MYO15A: variants seen among roughly 807,000 people sequenced by gnomAD.
MYO15A encodes myosin XVA, also known as unconventional myosin-XV.
In MYO15A, 308 loss-of-function variants were observed where a neutral mutation model predicts 394.6. That is an observed-to-expected ratio of 0.78 (90% CI 0.71 to 0.86). The LOEUF is 0.86. Among genes scored for constraint, MYO15A ranks in the 40% least tolerant of loss-of-function variants. The pLI, the probability that MYO15A is intolerant of heterozygous loss-of-function variation, is 0.00. For synonymous variants in MYO15A, 1,957 were observed against 2,003.8 expected (o/e 0.98, Z 0.62); for missense variants, 4,606 against 4,799.1 (o/e 0.96, Z 1.19).
rs971060254 is a variant in MYO15A at position 18,147,969 on chromosome 17, C to T, written c.6510-60C>T. 6.2e-7 allele frequency: 1 copy of T among 1,605,238 alleles called. No homozygotes were observed. Among genetic ancestry groups the T allele is most frequent in the Non-Finnish European group, 8.5e-7 (1 of 1,172,682 alleles). On this transcript the variant is annotated intron_variant, in intron 30 of 65. Coordinates refer to ENST00000647165, the MANE Select transcript of MYO15A (RefSeq NM_016239.4). The surrounding 1 kb of genome is among the most constrained non-coding windows in gnomAD (Gnocchi z 4.4). ...GAATTTCCTACCCCCACCCCGCAGCCCTCAGCCCCAAGCTAGCTTCAGATC... is the reference window on the plus strand; with the variant it reads ...GAATTTCCTACCCCCACCCCGCAGCTCTCAGCCCCAAGCTAGCTTCAGATC...
chr17:18,114,241 C>CTTTTT (rs10583154), intron 1 of MYO15A, among the ~76,000 whole-genome samples: 2,292 of 55,590 alleles, frequency 0.041, 684 homozygotes, highest in Non-Finnish European at 0.06. Context: ...ACAGTCCTGT[C>CTTTTT]TTTTTTTTTT....
rs561410258 is a variant in MYO15A, at chr17:18,163,137, G to A, written c.9613-107G>A. ...TCCAGGTGCTCAAGTGTTCCTACAC[G>A]TGCCAGCCCAGGATCCTTTGGCTTG... On this transcript the variant is annotated intron_variant, in intron 58 of 65. Coordinates refer to ENST00000647165, the MANE Select transcript of MYO15A (RefSeq NM_016239.4). 278 of 1,217,218 alleles carry A rather than the reference G, an allele frequency of 2.3e-4. 1 individual carries two copies. Among genetic ancestry groups the A allele is most frequent in the South Asian group, 1.7e-3 (143 of 82,864 alleles). The allele number at this position is 1,217,218 out of a possible 1,614,324, so 75.4% of individuals were successfully genotyped here.
rs1256679231 is a variant in MYO15A at position 18,151,931 on chromosome 17, G to A, written c.7873G>A (p.Ala2625Thr). ...MILKGQMTHL[A>T]AAPGTQVSRE... ...CCTGAAAGGGCAGATGACCCACCTG[G>A]CAGCTGCACCTGGCACCCAGGTGAG... The change falls in exon 41 of 66, where the codon GCA becomes ACA. Residue 2625 changes from alanine (A) to threonine (T), a missense_variant. Around this residue, in one of 2 missense-constraint regions of MYO15A, gnomAD observed 2,776 missense variants for 3,109.3 expected, o/e 0.89. Transcript: ENST00000647165. 3.2e-6 allele frequency: 5 copies of A among 1,563,650 alleles called. No homozygotes were observed. The Middle Eastern group carries it at 5.0e-4, about 157-fold the overall frequency.
At chr17:18,162,714 G>A in intron 58 of MYO15A, 35 bp downstream of exon 58, 1 of 1,605,380 alleles carries the variant, frequency 6.2e-7, no homozygotes, top group South Asian at 1.1e-5. Context: ...CAAAATGAAT[G>A]GGAGGCTGGG....
intron 19 of MYO15A, among the ~76,000 whole-genome samples, chr17:18,140,242 G>A (rs1227306520): frequency 6.6e-6 from 1 of 152,216 alleles, no homozygotes; most frequent in African/African-American, 2.4e-5. Flanking sequence ...GTATCTAACA[G>A]GCCACCCTGG....
In MYO15A at chr17:18,126,825, A is replaced by G. The variant is rs750384550; in HGVS notation, c.3901A>G (p.Lys1301Glu). The change falls in exon 6 of 66, where the codon AAA becomes GAA. Residue 1301 changes from lysine (K) to glutamate (E), a missense_variant. Transcript: ENST00000647165. ...TGCTGTTGCAAATCTCGCCTTCGCC[A>G]AAATGCTCGATGCCAAACAGAACCA... ...LFAVANLAFA[K>E]MLDAKQNQCI... 31 of 1,613,750 alleles carry G rather than the reference A, an allele frequency of 1.9e-5. No homozygotes were observed. The highest frequency in any genetic ancestry group is 1.6e-4 in the Middle Eastern group (1 of 6,080).
Position 18,167,574 on chromosome 17 carries a change from C to T in MYO15A, c.9949-16C>T, listed in dbSNP as rs1463706151. ...CGTGCCTGCCTGGCAGCCCCTCACC[C>T]AGGTGCTCCCTGCAGGTCCTGCCTG... On this transcript the variant is annotated splice_polypyrimidine_tract_variant and intron_variant, in intron 61 of 65. Coordinates refer to ENST00000647165, the MANE Select transcript of MYO15A (RefSeq NM_016239.4). The T allele has an allele frequency of 3.7e-6, 6 of 1,601,046 alleles. No homozygotes were observed. The highest frequency in any genetic ancestry group is 5.1e-6 in the Non-Finnish European group (6 of 1,179,842).
chr17:18,132,626 G>C lies in MYO15A; in HGVS notation c.4320+60G>C. On this transcript the variant is annotated intron_variant, in intron 11 of 65. Transcript: ENST00000647165. The surrounding 1 kb of genome is among the most constrained non-coding windows in gnomAD (Gnocchi z 4.6). The stretch of plus-strand genomic sequence containing the variant: ...CTGGTCCTCCCACCCCGACGCCCCT[G>C]GCTGGGCCTTGGGAGCCGAGTTGTG... 1 of 1,448,238 alleles carries C rather than the reference G, an allele frequency of 6.9e-7. No individual in the cohort carries two copies. Among genetic ancestry groups the C allele is most frequent in the Non-Finnish European group, 9.6e-7 (1 of 1,042,216 alleles). 89.7% of individuals were successfully genotyped at this position (1,448,238 alleles called of 1,614,324 possible). A position where few individuals can be genotyped will look rare whatever the true frequency, so the allele number is the denominator to read the frequency against.
intron 1 of MYO15A, chr17:18,110,284 G>A (rs1306390944): frequency 6.6e-6 from 1 of 152,170 alleles, no homozygotes; most frequent in African/African-American, 2.4e-5. Flanking sequence ...CTGTGTCATT[G>A]TCCCCTCTCC....
In MYO15A at chr17:18,145,970, G is replaced by A; in HGVS notation, c.6372G>A (p.Arg2124=). Residue 2124 remains arginine (R), a synonymous_variant, in exon 30 of 66, where the codon CGG becomes CGA. Coordinates refer to ENST00000647165, the MANE Select transcript of MYO15A (RefSeq NM_016239.4). ...VQKGLAVPEL[R]DEILAQLANQ... ...AGGGGCTGGCGGTGCCTGAGCTGCG[G>A]GATGAGATCCTGGCACAGCTGGCCA... The A allele has an allele frequency of 6.2e-7, 1 of 1,613,806 alleles. No individual in the cohort carries two copies. The highest frequency in any genetic ancestry group is 8.5e-7 in the Non-Finnish European group (1 of 1,180,024).
chr17:18,116,638 C>T (rs993839829), intron 1 of MYO15A, among the ~76,000 whole-genome samples: 9 of 152,106 alleles, frequency 5.9e-5, no homozygotes, highest in African/African-American at 2.2e-4. Context: ...AAGAATGTCT[C>T]GGCTGGGCGC....
rs796903694 is a variant in MYO15A, at chr17:18,169,849, C to CA, written c.10083-1788dup. Among the ~76,000 whole-genome samples, 47 of 151,690 alleles carry CA rather than the reference C, an allele frequency of 3.1e-4. 1 individual carries two copies. The East Asian group carries it at 9.1e-3, about 29-fold the overall frequency. On this transcript the variant is annotated intron_variant, in intron 62 of 65. Coordinates refer to ENST00000647165, the MANE Select transcript of MYO15A (RefSeq NM_016239.4). ...GCGTGGTGGCACATGCCTGTAGTCC[C>CA]AGTAACTGGAGAAGCTGAGGTGGGA...
Position 18,126,807 on chromosome 17 carries a change from G to T in MYO15A, c.3883G>T (p.Ala1295Ser). The T allele has an allele frequency of 6.2e-7, 1 of 1,613,628 alleles. No individual in the cohort carries two copies. The highest frequency in any genetic ancestry group is 1.3e-5 in the African/African-American group (1 of 74,858). Residue 1295 changes from alanine (A) to serine (S), a missense_variant, in exon 6 of 66, where the codon GCA becomes TCA. Transcript: ENST00000647165. ...GENPPHLFAVANLAFAKMLDA... is the reference protein window; with the variant it reads ...GENPPHLFAVSNLAFAKMLDA... ...TCTCCCCAGGCACCTCTTTGCTGTT[G>T]CAAATCTCGCCTTCGCCAAAATGCT...
rs375451997 is a variant in MYO15A at position 18,122,158 on chromosome 17, C to G, written c.3358C>G (p.Arg1120Gly). 52 of 1,613,080 alleles carry G rather than the reference C, an allele frequency of 3.2e-5. No individual in the cohort carries two copies. Among genetic ancestry groups the G allele is most frequent in the East Asian group, 8.9e-5 (4 of 44,882 alleles). Residue 1120 changes from arginine to glycine, a missense_variant, in exon 2 of 66, where the codon CGT becomes GGT. Physicochemically the swap from Arg to Gly is moderately radical, Grantham distance 125. Transcript: ENST00000647165. ...TGGGCGTTTTGCTGTGGTCATGCCTCGTGTGCAGAAGCTGAGCTCTTTCCA... is the reference window on the plus strand; with the variant it reads ...TGGGCGTTTTGCTGTGGTCATGCCTGGTGTGCAGAAGCTGAGCTCTTTCCA... ...APGRFAVVMP[R>G]VQKLSSFQRV...
chr17:18,143,823 G>T (rs1157723757), intron 27 of MYO15A, 27 bp downstream of exon 27: 1 of 1,570,920 alleles, frequency 6.4e-7, no homozygotes, highest in Non-Finnish European at 8.6e-7. Flanking sequence ...CGGGGGGAGG[G>T]CCCAGGCAGA....
chr17:18,118,535 C>T (rs865969694), intron 1 of MYO15A, 47 bp from the exon 2 acceptor site: 22 of 538,558 alleles, frequency 4.1e-5, no homozygotes, highest in Middle Eastern at 4.9e-4. Context: ...AGGCAGGCTT[C>T]CCCATCCTGG....
Position 18,120,894 on chromosome 17 carries a change from C to T in MYO15A, c.2094C>T (p.Arg698=). Residue 698 remains arginine, a synonymous_variant, in exon 2 of 66, where the codon CGC becomes CGT. Coordinates refer to ENST00000647165, the MANE Select transcript of MYO15A (RefSeq NM_016239.4). ...PRPASPYGSL[R]RHPPPWAAPA... is the part of the protein sequence containing the mutation. ...CGGCCTCGCCCTACGGCTCCCTCCG[C>T]CGCCACCCGCCGCCCTGGGCCGCCC... The T allele has an allele frequency of 7.2e-7, 1 of 1,386,066 alleles. No homozygotes were observed. Among genetic ancestry groups the T allele is most frequent in the Non-Finnish European group, 9.3e-7 (1 of 1,072,150 alleles). The allele number at this position is 1,386,066 out of a possible 1,614,324, so 85.9% of individuals were successfully genotyped here.
intron 10 of MYO15A, 119 bp downstream of exon 10, chr17:18,131,650 G>T (rs1200933286): frequency 6.0e-6 from 7 of 1,159,538 alleles, no homozygotes; most frequent in Admixed American, 2.0e-5. Flanking sequence ...GAATACATGC[G>T]TACATGTGTA....
rs2046813450 is a variant in MYO15A, at chr17:18,164,005, C to T, written c.9787+167C>T. On this transcript the variant is annotated intron_variant, in intron 60 of 65. Coordinates refer to ENST00000647165, the MANE Select transcript of MYO15A (RefSeq NM_016239.4). ...CTCTGTGTGTACCAAGCACGCCCAG[C>T]CCTTTATCTGTCCCTTTCTGCTTTG... 4 of 703,472 alleles carry T rather than the reference C, an allele frequency of 5.7e-6. No individual in the cohort carries two copies. In the East Asian group the frequency reaches 1.1e-4, roughly 19 times the overall value. The allele number at this position is 703,472 out of a possible 1,614,324, so 43.6% of individuals were successfully genotyped here.
Sources: gnomAD v4.1 joint callset for allele counts (sites outside exome capture counted in the v4.1 genomes callset) on GRCh38, gnomAD v4.1.1 for gene constraint, gnomAD v4.1.1 regional missense constraint, Gnocchi (gnomAD v3.1) non-coding constraint, MANE v1.5 for transcripts, NCBI Gene and HGNC (gene_info 2026-07-23, HGNC 2026-07-21) for gene names.